The following SEC22B variants were observed in gnomAD, a reference collection of about 807,000 sequenced individuals.
SEC22B encodes SEC22 homolog B, vesicle trafficking protein, also known as vesicle-trafficking protein SEC22b.
In SEC22B, 10 loss-of-function variants were observed where a neutral mutation model predicts 31.4. That is an observed-to-expected ratio of 0.32 (90% CI 0.20 to 0.54). The LOEUF is 0.54. SEC22B is among the 20% of genes least tolerant of loss of function. The pLI, the probability that SEC22B is intolerant of heterozygous loss-of-function variation, is 0.94. For synonymous variants in SEC22B, 60 were observed against 95.9 expected (o/e 0.63, Z 2.19); for missense variants, 130 against 263.4 (o/e 0.49, Z 3.50).
At position 120,151,728 on chromosome 1, in the gene SEC22B, G is replaced by T. The variant is rs1657543525; in HGVS notation, c.*5310C>A. 1.3e-5 allele frequency: 2 copies of T among 151,724 alleles called. No individual in the cohort carries two copies. Among genetic ancestry groups the T allele is most frequent in the African/African-American group, 4.8e-5 (2 of 41,386 alleles). 9.4% of individuals were successfully genotyped at this position (151,724 alleles called of 1,614,324 possible). A position where few individuals can be genotyped will look rare whatever the true frequency, so the allele number is the denominator to read the frequency against. On this transcript the variant is annotated 3_prime_UTR_variant, in exon 5 of 5. Transcript: ENST00000578049. ...AGTACTGACTAAAAGAGGGACATGT[G>T]TAACAAAATCAGTAAGGAGGGTACT... is the stretch of plus-strand genomic sequence containing the variant.
At position 120,156,773 on chromosome 1, in the gene SEC22B, C is replaced by T. The variant is rs1368791323; in HGVS notation, c.*265G>A. On this transcript the variant is annotated 3_prime_UTR_variant, in exon 5 of 5. Coordinates refer to ENST00000578049, the MANE Select transcript of SEC22B (RefSeq NM_004892.6). ...TTAAAATGCACTGGGAGGGAAAAAA[C>T]GAAATTAACAATCTACTATTCCCTA... 82 of 283,346 alleles carry T rather than the reference C, an allele frequency of 2.9e-4. No individual in the cohort carries two copies. Among genetic ancestry groups the T allele is most frequent in the Admixed American group, 8.8e-4 (17 of 19,306 alleles). 17.6% of individuals were successfully genotyped at this position (283,346 alleles called of 1,614,324 possible). A position where few individuals can be genotyped will look rare whatever the true frequency, so the allele number is the denominator to read the frequency against.
At chr1:120,163,517 C>T (rs1657752650) in intron 2 of SEC22B, 147 bp from the exon 3 acceptor site, 1 of 382,408 alleles carries the variant, frequency 2.6e-6, no homozygotes, top group Admixed American at 4.5e-5. Flanking sequence ...CAATTTAAAA[C>T]CGCAAATCCT....
rs1454200104 is a variant in SEC22B, at chr1:120,150,914, C to T, written c.*6124G>A. 2.0e-5 allele frequency: 3 copies of T among 152,066 alleles called. No homozygotes were observed. Among genetic ancestry groups the T allele is most frequent in the Non-Finnish European group, 4.4e-5 (3 of 68,016 alleles). The allele number at this position is 152,066 out of a possible 1,614,324, so 9.4% of individuals were successfully genotyped here. On this transcript the variant is annotated 3_prime_UTR_variant, in exon 5 of 5. Coordinates refer to ENST00000578049, the MANE Select transcript of SEC22B (RefSeq NM_004892.6). ...ACCGAGTTTGTGCAAACAAAAAGCG[C>T]AAAATAGAAGAGGCAGCATTGTTTT...
Position 120,163,194 on chromosome 1 carries a change from A to G in SEC22B, c.346+16T>C, listed in dbSNP as rs1461216834. 20 of 1,225,704 alleles carry G rather than the reference A, an allele frequency of 1.6e-5. No homozygotes were observed. In the African/African-American group the frequency reaches 2.9e-4, roughly 18 times the overall value. The allele number at this position is 1,225,704 out of a possible 1,614,324, so 75.9% of individuals were successfully genotyped here. On this transcript the variant is annotated intron_variant, in intron 3 of 4. Coordinates refer to ENST00000578049, the MANE Select transcript of SEC22B (RefSeq NM_004892.6). ...TTTGCTCCCTTGATAGAGAGAAGTG[A>G]GGGGCAAAAACTTACCAAATTCAAT...
At position 120,150,905 on chromosome 1, in the gene SEC22B, C is replaced by T. The variant is rs1463723937; in HGVS notation, c.*6133G>A. ...CAGAAGGGGACCGAGTTTGTGCAAA[C>T]AAAAAGCGCAAAATAGAAGAGGCAG... On this transcript the variant is annotated 3_prime_UTR_variant, in exon 5 of 5. Coordinates refer to ENST00000578049, the MANE Select transcript of SEC22B (RefSeq NM_004892.6). The T allele has an allele frequency of 2.6e-5, 4 of 152,046 alleles. No individual in the cohort carries two copies. Among genetic ancestry groups the T allele is most frequent in the African/African-American group, 7.2e-5 (3 of 41,396 alleles). 9.4% of individuals were successfully genotyped at this position (152,046 alleles called of 1,614,324 possible).
intron 4 of SEC22B, chr1:120,157,437 A>G (rs1450197450): frequency 1.6e-5 from 5 of 304,442 alleles, no homozygotes; most frequent in Non-Finnish European, 2.4e-5. Context: ...TTTGGTTCAG[A>G]TATCACCTGT....
At position 120,152,006 on chromosome 1, in the gene SEC22B, G is replaced by C. The variant is rs1343161254; in HGVS notation, c.*5032C>G. ...TGGTTTTATCTTTGAGAACAATGGA[G>C]TGGAGGTATGCTTTAGATGCAATTA... On this transcript the variant is annotated 3_prime_UTR_variant, in exon 5 of 5. Coordinates refer to ENST00000578049, the MANE Select transcript of SEC22B (RefSeq NM_004892.6). The C allele has an allele frequency of 6.6e-6, 1 of 152,150 alleles. No homozygotes were observed. Among genetic ancestry groups the C allele is most frequent in the Non-Finnish European group, 1.5e-5 (1 of 68,074 alleles). 9.4% of individuals were successfully genotyped at this position (152,150 alleles called of 1,614,324 possible).
Position 120,163,351 on chromosome 1 carries a change from C to G in SEC22B, c.205G>C (p.Val69Leu), listed in dbSNP as rs1408750577. The G allele has an allele frequency of 6.2e-7, 1 of 1,600,856 alleles. No individual in the cohort carries two copies. Among genetic ancestry groups the G allele is most frequent in the African/African-American group, 1.4e-5 (1 of 72,736 alleles). The change falls in exon 3 of 5, where the codon GTG becomes CTG. Residue 69 changes from valine (V) to leucine (L), a missense_variant. By Grantham distance (32) the Val-to-Leu change is conservative. Coordinates refer to ENST00000578049, the MANE Select transcript of SEC22B (RefSeq NM_004892.6). ...GCTTCACATAAAACCAAATAACACACCCCCTGCTCAATAATGTAGCTGGTG... is the reference window on the plus strand; with the variant it reads ...GCTTCACATAAAACCAAATAACACAGCCCCTGCTCAATAATGTAGCTGGTG... ...MTFHYIIEQG[V>L]CYLVLCEAAF...
intron 1 of SEC22B, among the ~76,000 whole-genome samples, chr1:120,170,866 A>C (rs1570870645): frequency 7.0e-6 from 1 of 142,988 alleles, no homozygotes; most frequent in African/African-American, 2.9e-5. Context: ...GGTACTTACC[A>C]ATCTTTTTGT....
Position 120,154,776 on chromosome 1 carries a change from CCTCA to C in SEC22B, c.*2258_*2261del, listed in dbSNP as rs1314327809. 1 of 138,072 alleles carries C rather than the reference CCTCA, an allele frequency of 7.2e-6. No homozygotes were observed. The highest frequency in any genetic ancestry group is 1.6e-5 in the Non-Finnish European group (1 of 63,624). The allele number at this position is 138,072 out of a possible 1,614,324, so 8.6% of individuals were successfully genotyped here. A position where few individuals can be genotyped will look rare whatever the true frequency, so the allele number is the denominator to read the frequency against. The stretch of plus-strand genomic sequence containing the variant: ...CAAGCTGTTACATTTCCAAAATATG[CCTCA>C]CTGTCTTTATTCATGCCTTTGCACA... On this transcript the variant is annotated 3_prime_UTR_variant, in exon 5 of 5. Coordinates refer to ENST00000578049, the MANE Select transcript of SEC22B (RefSeq NM_004892.6).
chr1:120,163,747 T>C (rs1435211803), intron 2 of SEC22B, among the ~76,000 whole-genome samples: 1 of 151,130 alleles, frequency 6.6e-6, no homozygotes, highest in Non-Finnish European at 1.5e-5. Context: ...AGCTAATTTT[T>C]GTATTTTTAG....
At position 120,155,755 on chromosome 1, in the gene SEC22B, C is replaced by A. The variant is rs1291110673; in HGVS notation, c.*1283G>T. 6.6e-6 allele frequency: 1 copy of A among 151,940 alleles called. No individual in the cohort carries two copies. Among genetic ancestry groups the A allele is most frequent in the Admixed American group, 6.6e-5 (1 of 15,240 alleles). 9.4% of individuals were successfully genotyped at this position (151,940 alleles called of 1,614,324 possible). A position where few individuals can be genotyped will look rare whatever the true frequency, so the allele number is the denominator to read the frequency against. On this transcript the variant is annotated 3_prime_UTR_variant, in exon 5 of 5. Transcript: ENST00000578049. ...GACCCTGGCAATAATATTTAAAAGG[C>A]CTATTTTCCCCATTAAAAAATTCTA...
chr1:120,160,421 A>G lies in SEC22B; in HGVS notation c.456T>C (p.Asn152=). Residue 152 remains asparagine, a synonymous_variant, in exon 4 of 5, where the codon AAT becomes AAC. Coordinates refer to ENST00000578049, the MANE Select transcript of SEC22B (RefSeq NM_004892.6). The part of the protein sequence containing the change: ...LQDVQRIMVA[N]IEEVLQRGEA... ...CTCCTCGTTGTAACACTTCTTCAAT[A>G]TTGGCCACCATGATCCTCTGCACAT... 6.2e-7 allele frequency: 1 copy of G among 1,613,084 alleles called. No individual in the cohort carries two copies. Among genetic ancestry groups the G allele is most frequent in the South Asian group, 1.1e-5 (1 of 90,876 alleles).
chr1:120,166,704 T>C lies in SEC22B; in HGVS notation c.185+2136A>G, dbSNP rs1219791332. Among the ~76,000 whole-genome samples the C allele has an allele frequency of 6.6e-3, 989 of 149,698 alleles. 12 individuals are homozygous for C. The highest frequency in any genetic ancestry group is 0.063 in the East Asian group (325 of 5,126). The stretch of plus-strand genomic sequence containing the variant: ...AAAAATTACAACTGGATAGGAAGAA[T>C]GAGTTCTGGTGTTCTGCAGAACTGT... On this transcript the variant is annotated intron_variant, in intron 2 of 4. Coordinates refer to ENST00000578049, the MANE Select transcript of SEC22B (RefSeq NM_004892.6).
At chr1:120,160,131 A>C (rs1404275831) in intron 4 of SEC22B, among the ~76,000 whole-genome samples, 35 of 148,512 alleles carry the variant, frequency 2.4e-4, no homozygotes, top group African/African-American at 8.8e-4. Context: ...TAATTTAATT[A>C]ATTTTGTGAA....
At chr1:120,176,264 C>G in intron 1 of SEC22B, 43 bp downstream of exon 1, 1 of 1,584,266 alleles carries the variant, frequency 6.3e-7, no homozygotes, top group South Asian at 1.1e-5. Context: ...GCAAAGCGCG[C>G]TGACAGAGAC....
intron 2 of SEC22B, among the ~76,000 whole-genome samples, chr1:120,168,122 C>A (rs1657841514): frequency 6.6e-6 from 1 of 151,770 alleles, no homozygotes; most frequent in Non-Finnish European, 1.5e-5. Flanking sequence ...ATCTAAGTCC[C>A]TAAAATGGCA....
chr1:120,160,920 T>C (rs1657706009), intron 3 of SEC22B, among the ~76,000 whole-genome samples: 1 of 151,584 alleles, frequency 6.6e-6, no homozygotes, highest in Non-Finnish European at 1.5e-5. Context: ...ACCAAAACAG[T>C]TCTGAGTTTA....
intron 3 of SEC22B, among the ~76,000 whole-genome samples, chr1:120,162,867 C>T (rs1657741432): frequency 6.6e-6 from 1 of 152,038 alleles, no homozygotes; most frequent in African/African-American, 2.4e-5. Context: ...AGTCTGTGGA[C>T]TGGGGTAAAG....
Sources: allele counts gnomAD v4.1 joint callset (sites outside exome capture counted in the v4.1 genomes callset), GRCh38; gene constraint gnomAD v4.1.1; transcripts MANE v1.5; gene names NCBI Gene and HGNC (gene_info 2026-07-23, HGNC 2026-07-21).